RBFOX3: variants seen among roughly 807,000 people sequenced by gnomAD.
RBFOX3 encodes the protein RNA binding protein fox-1 homolog 3.
A neutral mutation model predicts 48.7 loss-of-function variants in RBFOX3; 17 were observed. That is an observed-to-expected ratio of 0.35 (90% CI 0.24 to 0.52). The LOEUF (loss-of-function observed/expected upper bound fraction) is 0.52, where lower values mean the gene tolerates loss of function less well. RBFOX3 is among the 20% of genes least tolerant of loss of function. The probability of loss-of-function intolerance (pLI) is 0.94; values close to 1 mark genes in which losing one functional copy is unlikely to be tolerated. For missense variants in RBFOX3, 382 were observed against 497.5 expected (o/e 0.77, Z 2.21); for synonymous variants, 212 against 209.5 (o/e 1.01, Z -0.10).
At chr17:79,141,738 G>T (rs2041957741) in intron 4 of RBFOX3, among the ~76,000 whole-genome samples, 1 of 152,180 alleles carries the variant, frequency 6.6e-6, no homozygotes, top group African/African-American at 2.4e-5. Flanking sequence ...GCATAAGACA[G>T]CCTCCCTGGG....
Position 79,318,854 on chromosome 17 carries a change from C to CAAAAAAAAAAAA in RBFOX3, c.-174-11042_-174-11031dup, listed in dbSNP as rs71161660. Among the ~76,000 whole-genome samples the CAAAAAAAAAAAA allele has an allele frequency of 4.9e-4, 16 of 32,524 alleles. 2 individuals carry two copies. The highest frequency in any genetic ancestry group is 2.0e-3 in the Admixed American group (4 of 1,960). The allele number at this position is 32,524 out of a possible 152,430, so 21.3% of individuals were successfully genotyped here. A position where few individuals can be genotyped will look rare whatever the true frequency, so the allele number is the denominator to read the frequency against. ...TGGGTGACAGAGCGAGACTCCATCT[C>CAAAAAAAAAAAA]AAAAAAAAAAAAAAAAAAAAAAAAA... On this transcript the variant is annotated intron_variant, in intron 2 of 14. Transcript: ENST00000693108.
intron 1 of RBFOX3, among the ~76,000 whole-genome samples, chr17:79,552,847 A>G (rs1356627425): frequency 6.6e-6 from 1 of 152,240 alleles, no homozygotes; most frequent in South Asian, 2.1e-4. Context: ...ACATATATAC[A>G]TATGGACATG....
chr17:79,257,929 A>G (rs909554340), intron 3 of RBFOX3, among the ~76,000 whole-genome samples: 9 of 152,138 alleles, frequency 5.9e-5, no homozygotes, highest in African/African-American at 1.9e-4. Flanking sequence ...ATAAAAAGCA[A>G]TGATGGTACA....
chr17:79,180,235 T>C (rs1296584444), intron 4 of RBFOX3, among the ~76,000 whole-genome samples: 6 of 152,192 alleles, frequency 3.9e-5, no homozygotes, highest in Admixed American at 2.6e-4. Flanking sequence ...CCAGCCTACC[T>C]AGGGTCCAAC....
At chr17:79,219,050 G>C (rs2059401532) in intron 4 of RBFOX3, among the ~76,000 whole-genome samples, 1 of 152,244 alleles carries the variant, frequency 6.6e-6, no homozygotes, top group Admixed American at 6.5e-5. Context: ...CAGCTGCTTG[G>C]TGTGGGCCCC....
intron 2 of RBFOX3, among the ~76,000 whole-genome samples, chr17:79,416,024 C>T (rs1014609480): frequency 8.5e-5 from 13 of 152,306 alleles, no homozygotes; most frequent in African/African-American, 2.6e-4. Flanking sequence ...GCCATGCCTG[C>T]GCTGCCTCCT....
Position 79,473,113 on chromosome 17 carries a change from C to T in RBFOX3, c.-175+9341G>A, listed in dbSNP as rs1305525193. On this transcript the variant is annotated intron_variant, in intron 2 of 14. Transcript: ENST00000693108. The surrounding 1 kb of genome is among the most constrained non-coding windows in gnomAD (Gnocchi z 4.2). ...CAAAACACAAAGCCCAGGTTCTTAA[C>T]GATTAGACTCATCAGACCTAAAACG... 5.3e-5 allele frequency among the ~76,000 whole-genome samples: 8 copies of T among 152,184 alleles called. No homozygotes were observed. Among genetic ancestry groups the T allele is most frequent in the East Asian group, 1.9e-4 (1 of 5,196 alleles).
chr17:79,348,168 G>A (rs1047879944), intron 2 of RBFOX3, among the ~76,000 whole-genome samples: 40 of 152,182 alleles, frequency 2.6e-4, no homozygotes, highest in African/African-American at 9.7e-4. Flanking sequence ...AGAAAAGCGG[G>A]GAAGTGACTG....
At chr17:79,496,126 G>A (rs1360482470) in intron 1 of RBFOX3, among the ~76,000 whole-genome samples, 5 of 152,082 alleles carry the variant, frequency 3.3e-5, no homozygotes, top group Admixed American at 6.5e-5. Context: ...GTTGGGGACT[G>A]AGAGTCCCCC....
intron 1 of RBFOX3, among the ~76,000 whole-genome samples, chr17:79,493,505 C>T (rs191618125): frequency 4.7e-4 from 71 of 152,132 alleles, no homozygotes; most frequent in Non-Finnish European, 9.1e-4. Flanking sequence ...TGGCTGCTGG[C>T]CCCATCACAT....
intron 4 of RBFOX3, among the ~76,000 whole-genome samples, chr17:79,215,368 G>A (rs965743023): frequency 2.0e-5 from 3 of 152,224 alleles, no homozygotes; most frequent in South Asian, 4.1e-4. Context: ...GGTAGGAGAC[G>A]CCTCTGGAAA....
At chr17:79,628,021 T>C in the RBFOX3 span, among the ~76,000 whole-genome samples, 1 of 150,594 alleles carries the variant, frequency 6.6e-6, no homozygotes, top group Non-Finnish European at 1.5e-5. Flanking sequence ...GAGGCTCTGC[T>C]CAGGCCTGCT....
chr17:79,162,711 G>A (rs537691209), intron 4 of RBFOX3, among the ~76,000 whole-genome samples: 3 of 152,338 alleles, frequency 2.0e-5, no homozygotes, highest in African/African-American at 7.2e-5. Flanking sequence ...TTTGAACTGA[G>A]CTGTGCTAAC....
chr17:79,469,457 C>A (rs2149360930), intron 2 of RBFOX3, among the ~76,000 whole-genome samples: 1 of 152,316 alleles, frequency 6.6e-6, no homozygotes, highest in Admixed American at 6.5e-5. Flanking sequence ...CCTGGTCCTG[C>A]CTAACGCTCC....
intron 1 of RBFOX3, among the ~76,000 whole-genome samples, chr17:79,610,150 C>A (rs1277263398): frequency 6.6e-6 from 1 of 152,028 alleles, no homozygotes; most frequent in Admixed American, 6.5e-5. Context: ...GCGCACACCG[C>A]GGTGCTGCGG....
Position 79,111,493 on chromosome 17 carries a change from C to T in RBFOX3, c.222+4001G>A, listed in dbSNP as rs533634174. Among the ~76,000 whole-genome samples, 281 of 152,260 alleles carry T rather than the reference C, an allele frequency of 1.8e-3. 1 individual carries two copies. The highest frequency in any genetic ancestry group is 3.4e-3 in the Middle Eastern group (1 of 294). ...CTCTGTCGCCCAGGCTGGAGTGCAGCGGCGTGATCTCAGCTCACTGCAACC... is the reference window on the plus strand; with the variant it reads ...CTCTGTCGCCCAGGCTGGAGTGCAGTGGCGTGATCTCAGCTCACTGCAACC... On this transcript the variant is annotated intron_variant, in intron 5 of 14. Transcript: ENST00000693108. This position sits in a 1 kb window ranked among gnomAD's most constrained non-coding sequence, Gnocchi z 4.2.
At position 79,420,134 on chromosome 17, in the gene RBFOX3, C is replaced by CACACAT. The variant is rs1452860513; in HGVS notation, c.-175+62319_-175+62320insATGTGT. Among the ~76,000 whole-genome samples the CACACAT allele has an allele frequency of 5.8e-5, 3 of 51,340 alleles. No homozygotes were observed. The Admixed American group carries it at 7.6e-4, about 13-fold the overall frequency. The allele number at this position is 51,340 out of a possible 152,430, so 33.7% of individuals were successfully genotyped here. On this transcript the variant is annotated intron_variant, in intron 2 of 14. Coordinates refer to ENST00000693108, the MANE Select transcript of RBFOX3 (RefSeq NM_001350451.2). ...AGAGCAAGACTCCGTCTCATACACA[C>CACACAT]ACACACACACACACACACACACACA...
intron 1 of RBFOX3, among the ~76,000 whole-genome samples, chr17:79,572,778 C>T (rs2092724390): frequency 6.6e-6 from 1 of 152,218 alleles, no homozygotes; most frequent in Admixed American, 6.5e-5. Flanking sequence ...AGCTCAGCTG[C>T]TCATTAGGGC....
intron 2 of RBFOX3, among the ~76,000 whole-genome samples, chr17:79,422,554 G>T (rs985848893): frequency 6.6e-5 from 10 of 152,198 alleles, no homozygotes; most frequent in Non-Finnish European, 1.3e-4. Flanking sequence ...TGCGGAAGCC[G>T]CCAGGCAGAC....
Sources: allele counts gnomAD v4.1 joint callset (sites outside exome capture counted in the v4.1 genomes callset), GRCh38; gene constraint gnomAD v4.1.1; non-coding constraint Gnocchi (gnomAD v3.1); transcripts MANE v1.5; gene names NCBI Gene and HGNC (gene_info 2026-07-23, HGNC 2026-07-21).